SMYD3: variants seen among roughly 807,000 people sequenced by gnomAD.
SMYD3 encodes the protein histone-lysine N-methyltransferase SMYD3.
Under a neutral mutation model 57.7 loss-of-function variants are expected in SMYD3, and 36 were observed. The observed-to-expected ratio is 0.62, with a 90% CI of 0.48 to 0.82. The LOEUF (loss-of-function observed/expected upper bound fraction) is 0.82. Ranked by LOEUF, SMYD3 falls within the 40% of genes least tolerant of loss-of-function variation. The pLI, the probability that SMYD3 is intolerant of heterozygous loss-of-function variation, is 0.00. For missense variants in SMYD3, 515 were observed against 538.8 expected, an observed-to-expected ratio of 0.96 and a Z score of 0.44; for synonymous variants, 211 against 195.0, an observed-to-expected ratio of 1.08 and a Z score of -0.68.
At position 245,866,642 on chromosome 1, in the gene SMYD3, G is replaced by C. The variant is rs527624087; in HGVS notation, c.814-2756C>G. ...AGATACTTGGGAGGCTGAGGCAGGA[G>C]AATGGCTTGAACGTGGGAGGCAGAG... On this transcript the variant is annotated intron_variant, in intron 8 of 11. Coordinates refer to ENST00000490107, the MANE Select transcript of SMYD3 (RefSeq NM_001167740.2). Among the ~76,000 whole-genome samples, 24 of 152,256 alleles carry C rather than the reference G, an allele frequency of 1.6e-4. 1 individual carries two copies. In the South Asian group the frequency reaches 5.0e-3, roughly 32 times the overall value.
At chr1:246,419,978 G>A (rs899348426) in intron 1 of SMYD3, among the ~76,000 whole-genome samples, 13 of 152,306 alleles carry the variant, frequency 8.5e-5, no homozygotes, top group Admixed American at 2.0e-4. Flanking sequence ...GGGGGATCAC[G>A]AGGTCAGGAG....
chr1:246,219,432 C>T (rs1459971655), intron 5 of SMYD3, among the ~76,000 whole-genome samples: 1 of 152,104 alleles, frequency 6.6e-6, no homozygotes, highest in Non-Finnish European at 1.5e-5. Flanking sequence ...TGCCCCATCC[C>T]CTTTTCAGCT....
intron 10 of SMYD3, among the ~76,000 whole-genome samples, chr1:245,774,214 T>C (rs1159292167): frequency 6.6e-6 from 1 of 152,204 alleles, no homozygotes; most frequent in Admixed American, 6.5e-5. Context: ...CTCTGCTCTG[T>C]GGGACTTGGG....
At chr1:245,778,071 A>T (rs1202509357) in intron 10 of SMYD3, among the ~76,000 whole-genome samples, 1 of 152,192 alleles carries the variant, frequency 6.6e-6, no homozygotes, top group Non-Finnish European at 1.5e-5. Flanking sequence ...ACCATTTAAA[A>T]ATGAAGGTGA....
chr1:245,986,321 G>T (rs543742942), intron 5 of SMYD3, among the ~76,000 whole-genome samples: 1 of 152,330 alleles, frequency 6.6e-6, no homozygotes, highest in East Asian at 1.9e-4. Context: ...TTAGAAGAAT[G>T]AAGGGAGCTG....
intron 5 of SMYD3, among the ~76,000 whole-genome samples, chr1:246,011,043 A>T (rs554546330): frequency 1.3e-5 from 2 of 152,320 alleles, no homozygotes; most frequent in East Asian, 3.9e-4. Context: ...GTCTAGCACC[A>T]CATTGGGACT....
intron 8 of SMYD3, among the ~76,000 whole-genome samples, chr1:245,900,536 C>T (rs538121763): frequency 2.6e-5 from 4 of 152,276 alleles, no homozygotes; most frequent in African/African-American, 9.6e-5. Flanking sequence ...GATTTCAGGT[C>T]CATGATGAGA....
intron 1 of SMYD3, among the ~76,000 whole-genome samples, chr1:246,479,796 C>T (rs548901759): frequency 4.6e-5 from 7 of 152,124 alleles, no homozygotes; most frequent in African/African-American, 7.2e-5. Flanking sequence ...GCTTGAGTCA[C>T]GGCACCCAGC....
At chr1:245,842,614 C>G (rs1171271378) in intron 10 of SMYD3, among the ~76,000 whole-genome samples, 3 of 152,194 alleles carry the variant, frequency 2.0e-5, no homozygotes, top group African/African-American at 7.2e-5. Context: ...AGAAACTTAA[C>G]TTATATCCAG....
intron 5 of SMYD3, among the ~76,000 whole-genome samples, chr1:246,150,462 T>G (rs577080558): frequency 3.3e-5 from 5 of 152,332 alleles, no homozygotes; most frequent in African/African-American, 1.2e-4. Flanking sequence ...TACAGACCAC[T>G]CCCATTCTGT....
intron 5 of SMYD3, among the ~76,000 whole-genome samples, chr1:246,221,891 C>T (rs1175013608): frequency 1.3e-5 from 2 of 152,164 alleles, no homozygotes; most frequent in African/African-American, 4.8e-5. Flanking sequence ...AGGGCACCAC[C>T]AGTCACATGT....
rs140717092 is a variant in SMYD3, at chr1:246,359,269, T to C, written c.165-4175A>G. Among the ~76,000 whole-genome samples, 17 of 152,232 alleles carry C rather than the reference T, an allele frequency of 1.1e-4. No individual in the cohort carries two copies. In the East Asian group the frequency reaches 1.7e-3, roughly 16 times the overall value. ...CCTCCAAAATTAAACCAGGAAGATA[T>C]AGAAACTCTGAACAGACCAATAACA... is the stretch of plus-strand genomic sequence containing the variant. On this transcript the variant is annotated intron_variant, in intron 1 of 11. Coordinates refer to ENST00000490107, the MANE Select transcript of SMYD3 (RefSeq NM_001167740.2).
At chr1:245,802,843 C>T (rs886961029) in intron 10 of SMYD3, among the ~76,000 whole-genome samples, 1 of 152,250 alleles carries the variant, frequency 6.6e-6, no homozygotes, top group African/African-American at 2.4e-5. Flanking sequence ...GTCTTAAGCT[C>T]TTATCTTGGG....
chr1:246,183,562 C>T (rs762166193), intron 5 of SMYD3, among the ~76,000 whole-genome samples: 1 of 151,894 alleles, frequency 6.6e-6, no homozygotes, highest in Non-Finnish European at 1.5e-5. Flanking sequence ...AAAATCCTGA[C>T]TAGCTAGGGG....
chr1:245,963,445 C>T (rs2058061251), intron 5 of SMYD3, among the ~76,000 whole-genome samples: 1 of 152,042 alleles, frequency 6.6e-6, no homozygotes, highest in South Asian at 2.1e-4. Flanking sequence ...ACTCGACATA[C>T]TGCTGGGGGT....
chr1:245,904,785 A>G (rs2054445654), intron 8 of SMYD3, among the ~76,000 whole-genome samples: 1 of 151,554 alleles, frequency 6.6e-6, no homozygotes, highest in Non-Finnish European at 1.5e-5. Flanking sequence ...TGCTGGCGTC[A>G]CCCCTCCCCT....
At position 246,074,046 on chromosome 1, in the gene SMYD3, C is replaced by T. The variant is rs1933529; in HGVS notation, c.532-144109G>A. Among the ~76,000 whole-genome samples, 294 of 152,312 alleles carry T rather than the reference C, an allele frequency of 1.9e-3. 1 individual carries two copies. Among genetic ancestry groups the T allele is most frequent in the African/African-American group, 6.2e-3 (259 of 41,566 alleles). On this transcript the variant is annotated intron_variant, in intron 5 of 11. Transcript: ENST00000490107. ...CGCAAACTTGCAAACTTTCTTAAAA[C>T]ATAAGTTTTTTTGTGTGATTTTTGT...
At chr1:245,881,690 C>T (rs546656025) in intron 8 of SMYD3, among the ~76,000 whole-genome samples, 4 of 152,064 alleles carry the variant, frequency 2.6e-5, no homozygotes, top group Admixed American at 6.5e-5. Flanking sequence ...AAAAATGATA[C>T]GTAACGTTTG....
intron 5 of SMYD3, among the ~76,000 whole-genome samples, chr1:246,005,481 G>A (rs939456523): frequency 6.6e-6 from 1 of 152,158 alleles, no homozygotes; most frequent in Non-Finnish European, 1.5e-5. Context: ...TCTAAAATGC[G>A]GATAGTCACC....
Sources: allele counts gnomAD v4.1 joint callset (sites outside exome capture counted in the v4.1 genomes callset), GRCh38; gene constraint gnomAD v4.1.1; transcripts MANE v1.5; gene names NCBI Gene and HGNC (gene_info 2026-07-23, HGNC 2026-07-21).